Variants in SIGLEC1 observed in about 807,000 individuals in gnomAD.
The protein encoded by SIGLEC1 is sialoadhesin.
Under a neutral mutation model 148.0 loss-of-function variants are expected in SIGLEC1, and 132 were observed. That is an observed-to-expected ratio of 0.89 (90% CI 0.77 to 1.03). The LOEUF (loss-of-function observed/expected upper bound fraction) is 1.03, where lower values mean the gene tolerates loss of function less well. Among genes scored for constraint, SIGLEC1 ranks in the 50% least tolerant of loss-of-function variants. SIGLEC1 has a pLI of 0.00. For missense variants in SIGLEC1, 2,253 were observed against 2,271.4 expected, an observed-to-expected ratio of 0.99 and a Z score of 0.16; for synonymous variants, 945 against 969.0, an observed-to-expected ratio of 0.98 and a Z score of 0.46.
Position 3,689,165 on chromosome 20 carries a change from T to C in SIGLEC1, c.5060A>G (p.Glu1687Gly). The C allele has an allele frequency of 6.2e-7, 1 of 1,614,024 alleles. No homozygotes were observed. The highest frequency in any genetic ancestry group is 1.1e-5 in the South Asian group (1 of 91,082). The change falls in exon 21 of 22, where the codon GAG becomes GGG. Residue 1687 changes from glutamate (E) to glycine (G), a missense_variant. Coordinates refer to ENST00000344754, the MANE Select transcript of SIGLEC1 (RefSeq NM_023068.4). ...ENSVEMAFQK[E>G]TTQLIDPDAA... Reference sequence around the variant, plus strand: ...GTGTTGAATGGATACCTGCGTGGTCTCTTTCTGAAAAGCCATCTCCACCGA... The same window carrying C: ...GTGTTGAATGGATACCTGCGTGGTCCCTTTCTGAAAAGCCATCTCCACCGA...
chr20:3,707,638 A>G (rs1200527194), intron 1 of SIGLEC1, among the ~76,000 whole-genome samples: 1 of 152,174 alleles, frequency 6.6e-6, no homozygotes, highest in Non-Finnish European at 1.5e-5. Flanking sequence ...TACTAACTAT[A>G]GACCATAATG....
chr20:3,698,979 A>G (rs73893077), intron 8 of SIGLEC1, among the ~76,000 whole-genome samples: 3,660 of 152,330 alleles, frequency 0.024, 167 homozygotes, highest in African/African-American at 0.083. Context: ...AGAGGAGCCC[A>G]CAGGGCTGGC....
intron 16 of SIGLEC1, 137 bp downstream of exon 16, chr20:3,692,384 C>T (rs981958163): frequency 1.3e-5 from 16 of 1,204,900 alleles, no homozygotes; most frequent in Non-Finnish European, 1.7e-5. Context: ...CTGTCTCTTT[C>T]TCTAGCACCT....
At chr20:3,705,005 G>T (rs2146530934) in intron 4 of SIGLEC1, among the ~76,000 whole-genome samples, 1 of 151,910 alleles carries the variant, frequency 6.6e-6, no homozygotes, top group Middle Eastern at 3.4e-3. Flanking sequence ...TGTTGTTGTT[G>T]TTTTTTGTTT....
chr20:3,689,112 G>A (rs2088727901), intron 21 of SIGLEC1, 43 bp downstream of exon 21: 2 of 1,539,400 alleles, frequency 1.3e-6, no homozygotes, highest in Non-Finnish European at 9.0e-7. Flanking sequence ...GGCACTGTGG[G>A]TTAGCTGGGT....
chr20:3,689,819 A>T (rs371506422), intron 19 of SIGLEC1, 117 bp from the exon 20 acceptor site: 8 of 1,180,534 alleles, frequency 6.8e-6, no homozygotes. Context: ...GAAGCTCTCC[A>T]CACAAGGGTG....
At position 3,697,896 on chromosome 20, in the gene SIGLEC1, T is replaced by C. The variant is rs974192294; in HGVS notation, c.2024A>G (p.Glu675Gly). 1.9e-6 allele frequency: 3 copies of C among 1,612,918 alleles called. No individual in the cohort carries two copies. In the African/African-American group the frequency reaches 4.0e-5, roughly 22 times the overall value. ...CTCTTCCAGCAAAGGGTTGTGAATC[T>C]CCACACGCAGCAAGTTGGGGGCTTT... is the stretch of plus-strand genomic sequence containing the variant. Reference protein sequence around the residue: ...VTKAPNLLRVEIHNPLLEEEG... With the variant: ...VTKAPNLLRVGIHNPLLEEEG... The change falls in exon 9 of 22, where the codon GAG (glutamate) becomes GGG (glycine). Residue 675 changes from glutamate to glycine, a missense_variant. Glu to Gly is a moderately conservative substitution (Grantham distance 98). Transcript: ENST00000344754.
At position 3,703,422 on chromosome 20, in the gene SIGLEC1, G is replaced by T. The variant is rs778511177; in HGVS notation, c.1003C>A (p.Pro335Thr). The T allele has an allele frequency of 6.3e-7, 1 of 1,587,020 alleles. No individual in the cohort carries two copies. The highest frequency in any genetic ancestry group is 1.2e-5 in the South Asian group (1 of 85,160). ...GTCACTGTCTGGTTCTCCAGGATGG[G>T]ACCTGCTGGGCTCACCTGGACCTCA... ...MAEVQVSPAG[P>T]ILENQTVTLV... Residue 335 changes from proline to threonine, a missense_variant, in exon 6 of 22, where the codon CCC (proline) becomes ACC (threonine). Pro to Thr is a conservative substitution (Grantham distance 38). Transcript: ENST00000344754.
Position 3,697,128 on chromosome 20 carries a change from C to T in SIGLEC1, c.2337G>A (p.Glu779=). ...AALYACRILT[E]AGAQLSTPVL... ...CGGGAGTGGAGAGCTGGGCACCAGCCTCAGTCAGGATGCGGCAGGCGTAAA... is the reference window on the plus strand; with the variant it reads ...CGGGAGTGGAGAGCTGGGCACCAGCTTCAGTCAGGATGCGGCAGGCGTAAA... The change falls in exon 10 of 22, where the codon GAG becomes GAA. Residue 779 remains glutamate, a synonymous_variant. Coordinates refer to ENST00000344754, the MANE Select transcript of SIGLEC1 (RefSeq NM_023068.4). 6.2e-7 allele frequency: 1 copy of T among 1,613,540 alleles called. No homozygotes were observed. The highest frequency in any genetic ancestry group is 8.5e-7 in the Non-Finnish European group (1 of 1,180,028).
Position 3,687,317 on chromosome 20 carries a change from A to C in SIGLEC1, c.*1243T>G, listed in dbSNP as rs1217286369. ...TTCTTGGTAACTCATTCTCTTTAAC[A>C]GCCCGACACAGGGTCTCCAGGAAAA... On this transcript the variant is annotated 3_prime_UTR_variant, in exon 22 of 22. Coordinates refer to ENST00000344754, the MANE Select transcript of SIGLEC1 (RefSeq NM_023068.4). 6.6e-6 allele frequency: 1 copy of C among 152,246 alleles called. No individual in the cohort carries two copies. The highest frequency in any genetic ancestry group is 1.5e-5 in the Non-Finnish European group (1 of 68,070). The allele number at this position is 152,246 out of a possible 1,614,324, so 9.4% of individuals were successfully genotyped here.
In SIGLEC1 at chr20:3,694,339, G is replaced by T. The variant is rs770741792; in HGVS notation, c.3138C>A (p.Ala1046=). The T allele has an allele frequency of 6.2e-7, 1 of 1,613,246 alleles. No homozygotes were observed. Among genetic ancestry groups the T allele is most frequent in the Admixed American group, 1.7e-5 (1 of 60,018 alleles). The change falls in exon 13 of 22, where the codon GCC becomes GCA. Residue 1046 remains alanine, a synonymous_variant. Transcript: ENST00000344754. The stretch of plus-strand genomic sequence containing the variant: ...GGATCTCCAGACGCAGTGTGTTGGG[G>T]GCCACAGCCACATGCAGCCTGGGAG... The part of the protein sequence containing the change: ...GSSPRLHVAV[A]PNTLRLEIHG...
At position 3,691,888 on chromosome 20, in the gene SIGLEC1, C is replaced by G. The variant is rs1263064977; in HGVS notation, c.4330+15G>C. The G allele has an allele frequency of 3.9e-6, 6 of 1,555,852 alleles. No individual in the cohort carries two copies. Among genetic ancestry groups the G allele is most frequent in the African/African-American group, 1.4e-5 (1 of 74,040 alleles). On this transcript the variant is annotated intron_variant, in intron 17 of 21. Coordinates refer to ENST00000344754, the MANE Select transcript of SIGLEC1 (RefSeq NM_023068.4). Reference sequence around the variant, plus strand: ...GAGCATCAGAGCCCCTCCTCCTCCCCTCTCTTCCACTCACCTTCTACCTGC... The same window carrying G: ...GAGCATCAGAGCCCCTCCTCCTCCCGTCTCTTCCACTCACCTTCTACCTGC...
At position 3,694,462 on chromosome 20, in the gene SIGLEC1, G is replaced by A. The variant is rs1316278618; in HGVS notation, c.3015C>T (p.Cys1005=). Residue 1005 remains cysteine, a synonymous_variant, in exon 13 of 22, where the codon TGC becomes TGT. Transcript: ENST00000344754. ...GGGCCGGAGGGTCACTGTCCACACG[G>A]CACAGGAGGAGGCCCAGTCGTCCAG... ...TGPGRLGLLL[C]RVDSDPPAQL... is the part of the protein sequence containing the mutation. 6.2e-7 allele frequency: 1 copy of A among 1,604,302 alleles called. No homozygotes were observed. The highest frequency in any genetic ancestry group is 8.5e-7 in the Non-Finnish European group (1 of 1,173,902).
intron 18 of SIGLEC1, among the ~76,000 whole-genome samples, chr20:3,690,523 T>C (rs1377756405): frequency 1.3e-5 from 2 of 152,250 alleles, no homozygotes; most frequent in African/African-American, 4.8e-5. Flanking sequence ...GCCAGCCTGC[T>C]GGGCACATGT....
Position 3,691,615 on chromosome 20 carries a change from T to G in SIGLEC1, c.4331-15A>C, listed in dbSNP as rs1265197680. ...CACGCGTGCACCTGCGGGCGGAGGATAGAGAGATGATTGGGGATCTGTAGG... is the reference window on the plus strand; with the variant it reads ...CACGCGTGCACCTGCGGGCGGAGGAGAGAGAGATGATTGGGGATCTGTAGG... On this transcript the variant is annotated splice_polypyrimidine_tract_variant and intron_variant, in intron 17 of 21. Transcript: ENST00000344754. The G allele has an allele frequency of 1.2e-6, 2 of 1,607,782 alleles. No homozygotes were observed. Among genetic ancestry groups the G allele is most frequent in the East Asian group, 4.5e-5 (2 of 44,754 alleles).
intron 3 of SIGLEC1, 24 bp downstream of exon 3, chr20:3,706,323 C>A: frequency 6.3e-7 from 1 of 1,587,964 alleles, no homozygotes; most frequent in Non-Finnish European, 8.6e-7. Context: ...TCCCGGGGGG[C>A]AGCCAGGCCA....
In SIGLEC1 at chr20:3,693,051, T is replaced by A; in HGVS notation, c.3589A>T (p.Ser1197Cys). Residue 1197 changes from serine to cysteine, a missense_variant, in exon 15 of 22, where the codon AGC (serine) becomes TGC (cysteine). Coordinates refer to ENST00000344754, the MANE Select transcript of SIGLEC1 (RefSeq NM_023068.4). ...AGGGCCAGCTGGGCGGGCGGGCGGCTGTCCACAGTGCACAGTACCAGGGCC... is the reference window on the plus strand; with the variant it reads ...AGGGCCAGCTGGGCGGGCGGGCGGCAGTCCACAGTGCACAGTACCAGGGCC... ...QLALVLCTVD[S>C]RPPAQLALSH... is the part of the protein sequence containing the mutation. The A allele has an allele frequency of 6.2e-7, 1 of 1,608,586 alleles. No individual in the cohort carries two copies. Among genetic ancestry groups the A allele is most frequent in the Non-Finnish European group, 8.5e-7 (1 of 1,179,362 alleles).
At position 3,712,511 on chromosome 20, in the gene SIGLEC1, C is replaced by T. The variant is rs562755269; in HGVS notation, c.-151G>A. Among the ~76,000 whole-genome samples the T allele has an allele frequency of 2.0e-3, 302 of 152,138 alleles. 1 individual carries two copies. Among genetic ancestry groups the T allele is most frequent in the African/African-American group, 6.9e-3 (285 of 41,498 alleles). On this transcript the variant is annotated 5_prime_UTR_variant, in exon 1 of 22. Coordinates refer to ENST00000344754, the MANE Select transcript of SIGLEC1 (RefSeq NM_023068.4). ...AGTGGCTGCGGCGGTGCTGGACCTG[C>T]GGAGAGGAGAACAGGAAGGACGGCC...
Position 3,692,018 on chromosome 20 carries a change from G to C in SIGLEC1, c.4215C>G (p.Ala1405=). The change falls in exon 17 of 22, where the codon GCC becomes GCG. Residue 1405 remains alanine (A), a synonymous_variant. Transcript: ENST00000344754. ...GCACCTGCAGCCGTAGGGCGTTTCGGGCCACCTGGACATGGCCTGTCCCTG... is the reference window on the plus strand; with the variant it reads ...GCACCTGCAGCCGTAGGGCGTTTCGCGCCACCTGGACATGGCCTGTCCCTG... ...LASGTGHVQV[A]RNALRLQVQD... 1.2e-6 allele frequency: 2 copies of C among 1,613,372 alleles called. No individual in the cohort carries two copies. Among genetic ancestry groups the C allele is most frequent in the Non-Finnish European group, 1.7e-6 (2 of 1,179,828 alleles).
Sources: gnomAD v4.1 joint callset for allele counts (sites outside exome capture counted in the v4.1 genomes callset) on GRCh38, gnomAD v4.1.1 for gene constraint, MANE v1.5 for transcripts, NCBI Gene and HGNC (gene_info 2026-07-23, HGNC 2026-07-21) for gene names.